Variants in LRRIQ3 observed in about 807,000 individuals in gnomAD.
LRRIQ3 encodes the protein leucine-rich repeat and IQ domain-containing protein 3.
A neutral mutation model predicts 59.3 loss-of-function variants in LRRIQ3; 75 were observed. That is an observed-to-expected ratio of 1.26 (90% CI 1.05 to 1.53). LRRIQ3 has a LOEUF of 1.53. LRRIQ3 is among the 40% of genes most tolerant of loss of function. The pLI is 0.00. For missense variants in LRRIQ3, 831 were observed against 710.0 expected (o/e 1.17, Z -1.94); for synonymous variants, 250 against 231.3 (o/e 1.08, Z -0.73).
At chr1:74,093,126 C>CA (rs796595541) in intron 5 of LRRIQ3, among the ~76,000 whole-genome samples, 37 of 143,058 alleles carry the variant, frequency 2.6e-4, no homozygotes, top group South Asian at 1.1e-3. Flanking sequence ...AATGTATTAC[C>CA]AAAAAAAAAA....
At chr1:74,049,630 C>A (rs2100411591) in intron 6 of LRRIQ3, among the ~76,000 whole-genome samples, 1 of 152,192 alleles carries the variant, frequency 6.6e-6, no homozygotes, top group Non-Finnish European at 1.5e-5. Flanking sequence ...ATGGGAAAAA[C>A]TGCAGGAAAA....
intron 6 of LRRIQ3, among the ~76,000 whole-genome samples, chr1:74,048,336 C>A (rs979214602): frequency 1.3e-5 from 2 of 152,084 alleles, no homozygotes; most frequent in East Asian, 3.9e-4. Context: ...GTCAATAATT[C>A]TTCTAATTTG....
At chr1:74,159,893 A>G (rs1331222452) in intron 3 of LRRIQ3, among the ~76,000 whole-genome samples, 1 of 152,036 alleles carries the variant, frequency 6.6e-6, no homozygotes. Flanking sequence ...TAATAAACCC[A>G]TATTCCTCTT....
At chr1:74,073,845 AT>A (rs1353005546) in intron 6 of LRRIQ3, among the ~76,000 whole-genome samples, 1 of 152,146 alleles carries the variant, frequency 6.6e-6, no homozygotes, top group Non-Finnish European at 1.5e-5. Flanking sequence ...TACAAAAGTG[AT>A]TTTATGATTC....
chr1:74,070,226 C>A (rs1021510195), intron 6 of LRRIQ3, among the ~76,000 whole-genome samples: 1 of 152,068 alleles, frequency 6.6e-6, no homozygotes, highest in Non-Finnish European at 1.5e-5. Context: ...TGTAATCAAC[C>A]TAGATGACCA....
intron 6 of LRRIQ3, among the ~76,000 whole-genome samples, chr1:74,051,385 T>C (rs1394274141): frequency 6.6e-6 from 1 of 152,216 alleles, no homozygotes; most frequent in African/African-American, 2.4e-5. Context: ...GATGTGACTG[T>C]TAGTGACAAC....
intron 3 of LRRIQ3, chr1:74,180,896 G>A: frequency 2.9e-6 from 3 of 1,038,138 alleles, no homozygotes; most frequent in Non-Finnish European, 4.1e-6. Context: ...TTCAGTCTGT[G>A]TTAATGCCTT....
At chr1:74,108,960 A>C (rs552992320) in intron 5 of LRRIQ3, 1 of 324,990 alleles carries the variant, frequency 3.1e-6, no homozygotes, top group Non-Finnish European at 5.9e-6. Context: ...TATAGTAGGC[A>C]TTCAATCAAC....
intron 6 of LRRIQ3, among the ~76,000 whole-genome samples, chr1:74,052,659 A>G (rs1654404054): frequency 6.6e-6 from 1 of 152,140 alleles, no homozygotes; most frequent in African/African-American, 2.4e-5. Context: ...GAAGATTATA[A>G]GCCAATACAG....
chr1:74,142,892 C>T (rs1647322640), intron 4 of LRRIQ3, among the ~76,000 whole-genome samples: 1 of 151,880 alleles, frequency 6.6e-6, no homozygotes, highest in African/African-American at 2.4e-5. Context: ...CTCCAGTCTT[C>T]CAGTAAGTCT....
chr1:74,044,760 C>A (rs571956589), intron 6 of LRRIQ3, among the ~76,000 whole-genome samples: 10 of 151,914 alleles, frequency 6.6e-5, no homozygotes, highest in African/African-American at 1.2e-4. Flanking sequence ...TAGATGCAAT[C>A]AAAAATGATA....
chr1:74,083,234 T>G (rs1006405384), intron 5 of LRRIQ3: 5 of 151,666 alleles, frequency 3.3e-5, no homozygotes, highest in African/African-American at 1.2e-4. Flanking sequence ...CTTAGTCTGT[T>G]TCACTCCACA....
At chr1:74,062,156 G>A in intron 6 of LRRIQ3, among the ~76,000 whole-genome samples, 1 of 152,060 alleles carries the variant, frequency 6.6e-6, no homozygotes, top group East Asian at 1.9e-4. Flanking sequence ...TTTGCAAACT[G>A]TGAATCCAAC....
chr1:74,106,393 G>A (rs1646613320), intron 5 of LRRIQ3, among the ~76,000 whole-genome samples: 1 of 151,816 alleles, frequency 6.6e-6, no homozygotes, highest in Admixed American at 6.6e-5. Flanking sequence ...GGAAGGGAGG[G>A]GAGCTAGGCT....
At chr1:74,108,812 G>A in intron 5 of LRRIQ3, 2 of 314,780 alleles carry the variant, frequency 6.4e-6, no homozygotes, top group Non-Finnish European at 1.2e-5. Context: ...TATTAATTAT[G>A]TAGCTTTTGG....
rs1189510896 is a variant in LRRIQ3 at position 74,182,795 on chromosome 1, C to T, written c.316G>A (p.Asp106Asn). ...TTCTTTAACTTTGCAAACCCATTGT[C>T]ATGAAGATAGAGTAGTTTTAGGTTC... Reference protein sequence around the residue: ...LKNLKLLYLHDNGFAKLKNIC... With the variant: ...LKNLKLLYLHNNGFAKLKNIC... The change falls in exon 3 of 8, where the codon GAC becomes AAC. Residue 106 changes from aspartate to asparagine, a missense_variant. Physicochemically the swap from Asp to Asn is conservative, Grantham distance 23 (BLOSUM62 1). Transcript: ENST00000354431. 3 of 1,608,808 alleles carry T rather than the reference C, an allele frequency of 1.9e-6. No individual in the cohort carries two copies. The East Asian group carries it at 6.7e-5, about 36-fold the overall frequency.
chr1:74,176,972 G>C (rs1345274084), intron 3 of LRRIQ3, among the ~76,000 whole-genome samples: 1 of 152,140 alleles, frequency 6.6e-6, no homozygotes, highest in Non-Finnish European at 1.5e-5. Flanking sequence ...CTGCATGGGC[G>C]AATGTGAGAC....
At chr1:74,161,615 A>T (rs1648664502) in intron 3 of LRRIQ3, among the ~76,000 whole-genome samples, 1 of 151,914 alleles carries the variant, frequency 6.6e-6, no homozygotes, top group South Asian at 2.1e-4. Context: ...TTAGATGATT[A>T]GAACCAAGTA....
At chr1:74,157,068 T>C (rs368096813) in intron 3 of LRRIQ3, among the ~76,000 whole-genome samples, 1 of 152,282 alleles carries the variant, frequency 6.6e-6, no homozygotes, top group South Asian at 2.1e-4. Flanking sequence ...CGATTTATAC[T>C]TTCAAACACT....
Sources: allele counts gnomAD v4.1 joint callset (sites outside exome capture counted in the v4.1 genomes callset), GRCh38; gene constraint gnomAD v4.1.1; transcripts MANE v1.5; gene names NCBI Gene and HGNC (gene_info 2026-07-23, HGNC 2026-07-21).